The following ELAPOR2 variants were observed in gnomAD, a reference collection of about 807,000 sequenced individuals.
ELAPOR2 encodes endosome-lysosome associated apoptosis and autophagy regulator family member 2.
ELAPOR2 carries 89 observed loss-of-function variants against 120.7 expected under a neutral mutation model. The observed-to-expected ratio is 0.74, with a 90% confidence interval of 0.62 to 0.88. The LOEUF (loss-of-function observed/expected upper bound fraction) is 0.88. ELAPOR2 is among the 40% of genes least tolerant of loss of function. The probability of loss-of-function intolerance (pLI) is 0.00; values close to 1 mark genes in which losing one functional copy is unlikely to be tolerated. For missense variants in ELAPOR2, 1,134 were observed against 1,251.6 expected, an observed-to-expected ratio of 0.91 and a Z score of 1.42; for synonymous variants, 444 against 444.9, an observed-to-expected ratio of 1.00 and a Z score of 0.03.
At chr7:86,935,733 G>A (rs551650992) in intron 8 of ELAPOR2, among the ~76,000 whole-genome samples, 8 of 151,844 alleles carry the variant, frequency 5.3e-5, no homozygotes, top group East Asian at 1.9e-4. Flanking sequence ...AGAAATTTAC[G>A]TTTTTCTTCT....
At position 86,878,630 on chromosome 7, in the gene ELAPOR2, C is replaced by G. The variant is rs1799261227; in HGVS notation, c.*1841G>C. On this transcript the variant is annotated 3_prime_UTR_variant, in exon 22 of 22. Coordinates refer to ENST00000450689, the MANE Select transcript of ELAPOR2 (RefSeq NM_001142749.3). ...ACTCTGTCCAGTCTATACAGCTTTG[C>G]CAGGGTTCCTCTGAAAGGGTTCATT... is the stretch of plus-strand genomic sequence containing the variant. 6.6e-6 allele frequency: 1 copy of G among 152,102 alleles called. No homozygotes were observed. Among genetic ancestry groups the G allele is most frequent in the Admixed American group, 6.6e-5 (1 of 15,258 alleles). The allele number at this position is 152,102 out of a possible 1,614,324, so 9.4% of individuals were successfully genotyped here. A position where few individuals can be genotyped will look rare whatever the true frequency, so the allele number is the denominator to read the frequency against.
chr7:86,882,857 C>A (rs1365980118), intron 21 of ELAPOR2, among the ~76,000 whole-genome samples: 1 of 152,086 alleles, frequency 6.6e-6, no homozygotes, highest in African/African-American at 2.4e-5. Flanking sequence ...GGGTTCCAAA[C>A]AGGATGATCT....
chr7:87,054,391 G>A (rs914071680), intron 1 of ELAPOR2, among the ~76,000 whole-genome samples: 5 of 152,136 alleles, frequency 3.3e-5, no homozygotes, highest in Admixed American at 3.3e-4. Context: ...ATACTTGCTC[G>A]CATTTGCCTA....
chr7:87,045,696 C>T (rs908258711), intron 1 of ELAPOR2, among the ~76,000 whole-genome samples: 4 of 151,580 alleles, frequency 2.6e-5, no homozygotes, highest in Non-Finnish European at 4.4e-5. Context: ...CAGCATGGCA[C>T]ATGTATACAT....
chr7:86,897,662 TA>T lies in ELAPOR2; in HGVS notation c.2559-31del, dbSNP rs1788508363. On this transcript the variant is annotated intron_variant, in intron 18 of 21. Coordinates refer to ENST00000450689, the MANE Select transcript of ELAPOR2 (RefSeq NM_001142749.3). ...AATCATAAACAAAACCAAAAACACA[TA>T]AGTGGCAGCTTTTTAACCCATTCAA... The T allele has an allele frequency of 1.9e-6, 3 of 1,611,806 alleles. No individual in the cohort carries two copies. In the East Asian group the frequency reaches 6.7e-5, roughly 36 times the overall value.
intron 2 of ELAPOR2, 35 bp from the exon 3 acceptor site, chr7:86,947,957 C>G (rs755193495): frequency 7.0e-7 from 1 of 1,427,472 alleles, no homozygotes; most frequent in East Asian, 2.5e-5. Context: ...CCATTACTTA[C>G]CCTCCCATCA....
intron 1 of ELAPOR2, among the ~76,000 whole-genome samples, chr7:87,037,480 A>C (rs557314557): frequency 2.6e-5 from 4 of 152,304 alleles, no homozygotes. Flanking sequence ...AGACTCCTGA[A>C]AATAAGATGT....
intron 8 of ELAPOR2, among the ~76,000 whole-genome samples, chr7:86,932,408 A>T (rs1027585023): frequency 6.6e-6 from 1 of 151,876 alleles, no homozygotes; most frequent in African/African-American, 2.4e-5. Context: ...ATATTTTTAA[A>T]ATTCATTACT....
At position 86,940,667 on chromosome 7, in the gene ELAPOR2, A is replaced by G. The variant is rs150292125; in HGVS notation, c.742-552T>C. On this transcript the variant is annotated intron_variant, in intron 5 of 21. Coordinates refer to ENST00000450689, the MANE Select transcript of ELAPOR2 (RefSeq NM_001142749.3). ...ATATGTAGTATTGGTTTCCTTTGCT[A>G]CTGGAATATTTTGCTAATTATAAAA... is the stretch of plus-strand genomic sequence containing the variant. Among the ~76,000 whole-genome samples the G allele has an allele frequency of 4.6e-3, 702 of 152,196 alleles. 6 individuals are homozygous for G. The highest frequency in any genetic ancestry group is 0.015 in the African/African-American group (639 of 41,554).
chr7:86,956,092 CAG>C (rs1327539667), intron 2 of ELAPOR2, among the ~76,000 whole-genome samples: 6 of 152,116 alleles, frequency 3.9e-5, no homozygotes, highest in Non-Finnish European at 7.4e-5. Flanking sequence ...TCTGAAGTAA[CAG>C]ATGCAAAGCT....
At chr7:87,010,833 C>T (rs1412411034) in intron 1 of ELAPOR2, among the ~76,000 whole-genome samples, 1 of 151,774 alleles carries the variant, frequency 6.6e-6, no homozygotes, top group African/African-American at 2.4e-5. Flanking sequence ...CACAGATGTG[C>T]AGCCCACAGA....
At chr7:86,991,713 TTC>T (rs1485779244) in intron 1 of ELAPOR2, among the ~76,000 whole-genome samples, 2 of 152,236 alleles carry the variant, frequency 1.3e-5, no homozygotes, top group Non-Finnish European at 2.9e-5. Context: ...ATGAGGCTCC[TTC>T]TGTCTTCCTG....
intron 1 of ELAPOR2, among the ~76,000 whole-genome samples, chr7:87,031,634 C>G (rs1794425418): frequency 1.3e-5 from 2 of 152,044 alleles, no homozygotes; most frequent in African/African-American, 4.8e-5. Context: ...GCCAAAAATC[C>G]TTTAGTACTT....
chr7:86,942,707 T>A (rs1790849426), intron 4 of ELAPOR2, among the ~76,000 whole-genome samples: 1 of 152,070 alleles, frequency 6.6e-6, no homozygotes, highest in African/African-American at 2.4e-5. Context: ...ACCAAACACC[T>A]TTTGCTTTCC....
At chr7:86,972,568 C>T (rs1201296981) in intron 1 of ELAPOR2, among the ~76,000 whole-genome samples, 1 of 149,094 alleles carries the variant, frequency 6.7e-6, no homozygotes, top group Non-Finnish European at 1.5e-5. Context: ...GTTACAGATT[C>T]AGGGACATCA....
chr7:87,050,124 T>A (rs1683135721), intron 1 of ELAPOR2, among the ~76,000 whole-genome samples: 1 of 152,132 alleles, frequency 6.6e-6, no homozygotes, highest in South Asian at 2.1e-4. Context: ...ACTTACCCAA[T>A]CTATGGTATT....
At chr7:87,056,070 T>C (rs1795252928) in intron 1 of ELAPOR2, among the ~76,000 whole-genome samples, 1 of 152,178 alleles carries the variant, frequency 6.6e-6, no homozygotes, top group Non-Finnish European at 1.5e-5. Flanking sequence ...GGCCTTTATA[T>C]TTTTTTGCTC....
At chr7:87,057,602 A>G (rs1289051799) in intron 1 of ELAPOR2, among the ~76,000 whole-genome samples, 3 of 152,226 alleles carry the variant, frequency 2.0e-5, no homozygotes, top group Non-Finnish European at 4.4e-5. Context: ...AAGCCAATGC[A>G]GTAAGGACCT....
At chr7:87,033,874 A>T (rs1457142453) in intron 1 of ELAPOR2, among the ~76,000 whole-genome samples, 1 of 152,136 alleles carries the variant, frequency 6.6e-6, no homozygotes, top group African/African-American at 2.4e-5. Context: ...ATAGCTTATA[A>T]ATTTTTATAT....
Sources: allele counts gnomAD v4.1 joint callset (sites outside exome capture counted in the v4.1 genomes callset), GRCh38; gene constraint gnomAD v4.1.1; transcripts MANE v1.5; gene names NCBI Gene and HGNC (gene_info 2026-07-23, HGNC 2026-07-21).